The following ATP7A variants were observed in gnomAD, a reference collection of about 807,000 sequenced individuals.
The protein encoded by ATP7A is ATPase copper transporting alpha, also known as copper-transporting ATPase 1.
ATP7A carries 7 observed loss-of-function variants against 83.5 expected under a neutral mutation model. The ratio of observed to expected loss-of-function variants is 0.08; its 90% CI spans 0.05 to 0.16. ATP7A has a LOEUF of 0.16. Ranked by LOEUF, ATP7A falls within the 10% of genes least tolerant of loss-of-function variation. The pLI, the probability that ATP7A is intolerant of heterozygous loss-of-function variation, is 1.00. For missense variants in ATP7A, 940 were observed against 1,120.8 expected, an observed-to-expected ratio of 0.84 and a Z score of 2.30; for synonymous variants, 354 against 395.2, an observed-to-expected ratio of 0.90 and a Z score of 1.24.
chrX:77,985,645 A>G (rs781882371), intron 2 of ATP7A, among the ~76,000 whole-genome samples: 1 of 94,713 alleles, frequency 1.1e-5, no homozygotes, highest in Admixed American at 1.1e-4. Flanking sequence ...CTTATTTAAT[A>G]GTTTTTTTTG....
At chrX:78,001,061 T>C (rs1487956580) in intron 5 of ATP7A, among the ~76,000 whole-genome samples, 1 of 112,162 alleles carries the variant, frequency 8.9e-6, no homozygotes, top group Non-Finnish European at 1.9e-5. Context: ...ATTGAACTTA[T>C]GTTTTTGACA....
At chrX:78,005,911 T>A (rs782731696) in intron 6 of ATP7A, among the ~76,000 whole-genome samples, 18 of 110,688 alleles carry the variant, frequency 1.6e-4, no homozygotes, top group African/African-American at 5.9e-4. Context: ...TTTTTTCATA[T>A]ACGAAGAACT....
intron 5 of ATP7A, among the ~76,000 whole-genome samples, chrX:77,999,467 G>A (rs781876309): frequency 2.4e-3 from 264 of 112,235 alleles, no homozygotes; most frequent in African/African-American, 7.9e-3. Context: ...TTGTATACAA[G>A]TGTTAATTTT....
At chrX:77,943,272 T>C (rs151274585) in intron 1 of ATP7A, among the ~76,000 whole-genome samples, 350 of 112,758 alleles carry the variant, frequency 3.1e-3, no homozygotes, top group Non-Finnish European at 5.2e-3. Context: ...AATCACATTC[T>C]GCTAATTATT....
At chrX:78,046,200 T>C in intron 22 of ATP7A, 94 bp from the exon 23 acceptor site, 1 of 1,020,081 alleles carries the variant, frequency 9.8e-7, no homozygotes, top group Non-Finnish European at 1.4e-6. Context: ...CAAAACTAAG[T>C]GTGGATGAGC....
chrX:78,014,461 AAGTGAAACATTTTCT>A (rs1557234900), intron 10 of ATP7A, among the ~76,000 whole-genome samples, 186 bp from the exon 11 acceptor site: 3 of 111,523 alleles, frequency 2.7e-5, no homozygotes, highest in Admixed American at 9.6e-5. Flanking sequence ...CGTCTTTCTG[AAGTGAAACATTTTCT>A]AGTGAAACAT....
rs925890526 is a variant in ATP7A, at chrX:78,043,637, A to T, written c.4123+203A>T. On this transcript the variant is annotated intron_variant, in intron 21 of 22. Coordinates refer to ENST00000341514, the MANE Select transcript of ATP7A (RefSeq NM_000052.7). ...TAAGAATATATAAGCATTCTGACAGATTTATTTTTTTCCCTCCAACTTTTT... is the reference window on the plus strand; with the variant it reads ...TAAGAATATATAAGCATTCTGACAGTTTTATTTTTTTCCCTCCAACTTTTT... 1.2e-4 allele frequency among the ~76,000 whole-genome samples: 13 copies of T among 105,233 alleles called. No individual in the cohort carries two copies. In the East Asian group the frequency reaches 2.1e-3, roughly 17 times the overall value. The allele number at this position is 105,233 out of a possible 115,157, so 91.4% of individuals were successfully genotyped here.
chrX:78,003,075 A>G lies in ATP7A; in HGVS notation c.1546A>G (p.Ile516Val). 1.7e-6 allele frequency: 2 copies of G among 1,207,869 alleles called. No individual in the cohort carries two copies. Among genetic ancestry groups the G allele is most frequent in the Non-Finnish European group, 2.2e-6 (2 of 892,143 alleles). Residue 516 changes from isoleucine (I) to valine (V), a missense_variant and splice_region_variant, in exon 6 of 23, where the codon ATA becomes GTA. Transcript: ENST00000341514. Reference protein sequence around the residue: ...IERNLRREEGIYSILVALMAG... With the variant: ...IERNLRREEGVYSILVALMAG... ...GTTTTTCTTATCAATGCTCTTAGGA[A>G]TATATTCTATACTTGTGGCCCTGAT...
intron 1 of ATP7A, among the ~76,000 whole-genome samples, chrX:77,918,042 A>G (rs1034695295): frequency 1.8e-5 from 2 of 109,624 alleles, no homozygotes; most frequent in African/African-American, 6.7e-5. Flanking sequence ...TGCTCTAAGA[A>G]CATTTGACAG....
In ATP7A at chrX:77,918,066, C is replaced by CT. The variant is rs1311945353; in HGVS notation, c.-22+7249dup. Among the ~76,000 whole-genome samples, 296 of 90,560 alleles carry CT rather than the reference C, an allele frequency of 3.3e-3. 1 individual carries two copies. The highest frequency in any genetic ancestry group is 6.0e-3 in the African/African-American group (151 of 25,061). The allele number at this position is 90,560 out of a possible 115,157, so 78.6% of individuals were successfully genotyped here. On this transcript the variant is annotated intron_variant, in intron 1 of 22. Transcript: ENST00000341514. ...AACATTTGACAGTATTGTTCAGGCACTTTTTTTTTTTTTTTTTTGAGACAG... is the reference window on the plus strand; with the variant it reads ...AACATTTGACAGTATTGTTCAGGCACTTTTTTTTTTTTTTTTTTTGAGACAG...
intron 19 of ATP7A, 55 bp from the exon 20 acceptor site, chrX:78,042,530 A>G: frequency 8.9e-7 from 1 of 1,126,384 alleles, no homozygotes; most frequent in Non-Finnish European, 1.2e-6. Context: ...TTGCTCAGTT[A>G]TGTTTCACGT....
chrX:77,967,537 C>T (rs1260784483), intron 1 of ATP7A, among the ~76,000 whole-genome samples: 2 of 111,574 alleles, frequency 1.8e-5, no homozygotes, highest in Non-Finnish European at 3.8e-5. Flanking sequence ...GTTTGTTGGC[C>T]GCATAAATGT....
At chrX:77,971,426 A>G (rs781810137) in intron 1 of ATP7A, among the ~76,000 whole-genome samples, 195 bp from the exon 2 acceptor site, 7 of 112,188 alleles carry the variant, frequency 6.2e-5, no homozygotes, top group Non-Finnish European at 1.3e-4. Context: ...CCTTTACTTC[A>G]TCTAAGGTGA....
intron 21 of ATP7A, among the ~76,000 whole-genome samples, chrX:78,044,781 A>G (rs2078073620): frequency 8.9e-6 from 1 of 111,998 alleles, no homozygotes; most frequent in African/African-American, 3.2e-5. Flanking sequence ...TAATGATGAC[A>G]TAAAAGAAAT....
chrX:78,009,466 A>G, intron 7 of ATP7A: 4 of 458,501 alleles, frequency 8.7e-6, no homozygotes, highest in Non-Finnish European at 1.1e-5. Flanking sequence ...AGGCAAAGGT[A>G]CATTTACACT....
intron 1 of ATP7A, among the ~76,000 whole-genome samples, chrX:77,954,375 C>T (rs1174073919): frequency 3.6e-5 from 4 of 111,598 alleles, no homozygotes; most frequent in African/African-American, 9.8e-5. Context: ...AACTCCTGAC[C>T]TCATTATCTG....
At chrX:77,945,081 C>G (rs1053967907) in intron 1 of ATP7A, among the ~76,000 whole-genome samples, 1 of 111,298 alleles carries the variant, frequency 9.0e-6, no homozygotes, top group Admixed American at 9.6e-5. Flanking sequence ...GAATTCCTGA[C>G]CTCAGGTGAT....
At chrX:78,023,762 T>C (rs2077923470) in intron 14 of ATP7A, among the ~76,000 whole-genome samples, 1 of 112,056 alleles carries the variant, frequency 8.9e-6, no homozygotes, top group Admixed American at 9.5e-5. Context: ...GTTTATTCTG[T>C]TGATTGTTTC....
rs782643561 is a variant in ATP7A at position 78,037,980 on chromosome X, G to GTTTT, written c.3512-833_3512-830dup. Among the ~76,000 whole-genome samples, 97 of 51,200 alleles carry GTTTT rather than the reference G, an allele frequency of 1.9e-3. 9 individuals are homozygous for GTTTT. Among genetic ancestry groups the GTTTT allele is most frequent in the African/African-American group, 9.5e-3 (93 of 9,772 alleles). 44.5% of individuals were successfully genotyped at this position (51,200 alleles called of 115,157 possible). A position where few individuals can be genotyped will look rare whatever the true frequency, so the allele number is the denominator to read the frequency against. Reference sequence around the variant, plus strand: ...AGAGAGGTGGGTGAGATCAAGAAAGGTTTTTTTTTTTTTTTTTTTTTTTTT... The same window carrying GTTTT: ...AGAGAGGTGGGTGAGATCAAGAAAGGTTTTTTTTTTTTTTTTTTTTTTTTTTTTT... On this transcript the variant is annotated intron_variant, in intron 17 of 22. Coordinates refer to ENST00000341514, the MANE Select transcript of ATP7A (RefSeq NM_000052.7).
Sources: allele counts gnomAD v4.1 joint callset (sites outside exome capture counted in the v4.1 genomes callset), GRCh38; gene constraint gnomAD v4.1.1; transcripts MANE v1.5; gene names NCBI Gene and HGNC (gene_info 2026-07-23, HGNC 2026-07-21).